Variants in CCSER1 observed in about 807,000 individuals in gnomAD.
CCSER1 encodes the protein serine-rich coiled-coil domain-containing protein 1.
A neutral mutation model predicts 82.0 loss-of-function variants in CCSER1; 41 were observed. The ratio of observed to expected loss-of-function variants is 0.50; its 90% CI spans 0.39 to 0.65. CCSER1 has a LOEUF of 0.65. Among genes scored for constraint, CCSER1 ranks in the 30% least tolerant of loss-of-function variants. The probability of loss-of-function intolerance (pLI) is 0.00; values close to 1 mark genes in which losing one functional copy is unlikely to be tolerated. For synonymous variants in CCSER1, 414 were observed against 383.9 expected, an observed-to-expected ratio of 1.08 and a Z score of -0.92; for missense variants, 1,119 against 1,064.2, an observed-to-expected ratio of 1.05 and a Z score of -0.72.
intron 1 of CCSER1, among the ~76,000 whole-genome samples, chr4:90,167,672 T>C (rs1341603424): frequency 6.6e-6 from 1 of 150,968 alleles, no homozygotes; most frequent in Admixed American, 6.6e-5. Context: ...CCCCTTCCTG[T>C]GTCCATGTGT....
chr4:90,777,354 C>CAAAAAAAAA (rs60638334), intron 7 of CCSER1, among the ~76,000 whole-genome samples: 1 of 58,532 alleles, frequency 1.7e-5, no homozygotes, highest in African/African-American at 6.9e-5. Context: ...GACTCCATCT[C>CAAAAAAAAA]AAAAAAAAAA....
chr4:90,318,539 G>C (rs960667192), intron 3 of CCSER1, among the ~76,000 whole-genome samples: 69 of 152,256 alleles, frequency 4.5e-4, no homozygotes, highest in African/African-American at 1.5e-3. Context: ...TTTGGTAGAA[G>C]AACAAATCCG....
intron 5 of CCSER1, among the ~76,000 whole-genome samples, chr4:90,487,350 C>A (rs1767269750): frequency 6.6e-6 from 1 of 152,160 alleles, no homozygotes; most frequent in Admixed American, 6.5e-5. Flanking sequence ...CACAGAAGGT[C>A]ATCTCATTAA....
rs1773477519 is a variant in CCSER1 at position 90,524,261 on chromosome 4, T to C, written c.1724+55907T>C. Among the ~76,000 whole-genome samples, 3 of 152,192 alleles carry C rather than the reference T, an allele frequency of 2.0e-5. No individual in the cohort carries two copies. The South Asian group carries it at 6.2e-4, about 31-fold the overall frequency. On this transcript the variant is annotated intron_variant, in intron 5 of 10. Transcript: ENST00000509176. Reference sequence around the variant, plus strand: ...TGTCGGGAACAACATATTCTTACACTGATAAGGAAAACTTCAGGCCTTTTT... The same window carrying C: ...TGTCGGGAACAACATATTCTTACACCGATAAGGAAAACTTCAGGCCTTTTT...
rs1199916407 is a variant in CCSER1, at chr4:91,598,914, C to T, written c.2560C>T (p.Arg854Ter). 1 of 1,551,534 alleles carries T rather than the reference C, an allele frequency of 6.4e-7. No homozygotes were observed. Among genetic ancestry groups the T allele is most frequent in the Non-Finnish European group, 8.7e-7 (1 of 1,146,922 alleles). ...ACCAAAGGACCAAGTTGCTACGGCC[C>T]GACAGCATTCGACCTTTACAGGCAG... Reference protein sequence around the residue: ...EKPKDQVATARQHSTFTGRFG... With the variant: ...EKPKDQVATA The change falls in exon 11 of 11, where the codon CGA becomes TGA. Residue 854 changes from arginine (R) to a stop codon, truncating the protein, a stop_gained. Coordinates refer to ENST00000509176, the MANE Select transcript of CCSER1 (RefSeq NM_001145065.2). LOFTEE classifies it high-confidence loss of function.
At position 90,359,332 on chromosome 4, in the gene CCSER1, G is replaced by A. The variant is rs1461874957; in HGVS notation, c.1510-40704G>A. ...AATGAGTTATAACTGTGTACTTTTG[G>A]AAACCATTTTTAAATTCAGTAGAGT... On this transcript the variant is annotated intron_variant, in intron 3 of 10. Transcript: ENST00000509176. Among the ~76,000 whole-genome samples the A allele has an allele frequency of 2.6e-5, 4 of 152,062 alleles. No homozygotes were observed. The South Asian group carries it at 8.3e-4, about 32-fold the overall frequency.
At chr4:91,047,791 G>A (rs890057412) in intron 9 of CCSER1, among the ~76,000 whole-genome samples, 4 of 152,188 alleles carry the variant, frequency 2.6e-5, no homozygotes, top group Admixed American at 6.5e-5. Context: ...TTTTGAGGAA[G>A]CAACCAAATT....
intron 4 of CCSER1, among the ~76,000 whole-genome samples, chr4:90,446,563 G>A (rs1293119008): frequency 6.6e-6 from 1 of 152,088 alleles, no homozygotes; most frequent in African/African-American, 2.4e-5. Context: ...GAAGATGTAG[G>A]GGAAAGAGGG....
chr4:90,258,874 G>GT (rs137930651), intron 1 of CCSER1, among the ~76,000 whole-genome samples: 1 of 152,152 alleles, frequency 6.6e-6, no homozygotes, highest in East Asian at 1.9e-4. Flanking sequence ...TGCTGTTTTG[G>GT]TAACTACAGC....
intron 5 of CCSER1, among the ~76,000 whole-genome samples, chr4:90,585,864 C>G (rs11932492): frequency 0.042 from 6,411 of 152,146 alleles, 342 homozygotes; most frequent in African/African-American, 0.12. Context: ...TATGTACGGT[C>G]TCTTATGTGT....
At chr4:91,210,368 G>A (rs986297200) in intron 10 of CCSER1, among the ~76,000 whole-genome samples, 2 of 151,076 alleles carry the variant, frequency 1.3e-5, no homozygotes, top group Non-Finnish European at 3.0e-5. Flanking sequence ...TTTGATGGGG[G>A]ATGTCATATT....
rs548720595 is a variant in CCSER1, at chr4:91,603,157, T to A, written c.*4100T>A. The A allele has an allele frequency of 4.6e-5, 7 of 152,186 alleles. No individual in the cohort carries two copies. Among genetic ancestry groups the A allele is most frequent in the Admixed American group, 2.6e-4 (4 of 15,266 alleles). The allele number at this position is 152,186 out of a possible 1,614,324, so 9.4% of individuals were successfully genotyped here. A position where few individuals can be genotyped will look rare whatever the true frequency, so the allele number is the denominator to read the frequency against. On this transcript the variant is annotated 3_prime_UTR_variant, in exon 11 of 11. Coordinates refer to ENST00000509176, the MANE Select transcript of CCSER1 (RefSeq NM_001145065.2). Reference sequence around the variant, plus strand: ...TTTCAGTTAAGACTGGTCATTTTTTTAAAAAGCTGAATTACACTGTAGTAT... The same window carrying A: ...TTTCAGTTAAGACTGGTCATTTTTTAAAAAAGCTGAATTACACTGTAGTAT...
intron 1 of CCSER1, among the ~76,000 whole-genome samples, chr4:90,150,021 C>T (rs899639455): frequency 1.3e-5 from 2 of 152,082 alleles, no homozygotes; most frequent in Non-Finnish European, 2.9e-5. Flanking sequence ...TGCATGGGTC[C>T]ATTTAAATGT....
At chr4:90,999,784 A>ATTTGTT (rs558018236) in intron 9 of CCSER1, among the ~76,000 whole-genome samples, 1 of 139,576 alleles carries the variant, frequency 7.2e-6, no homozygotes, top group Admixed American at 7.0e-5. Context: ...TTTTTTTCTT[A>ATTTGTT]TTTGTTTTTG....
At chr4:90,973,823 A>C (rs2150405026) in intron 9 of CCSER1, among the ~76,000 whole-genome samples, 1 of 151,790 alleles carries the variant, frequency 6.6e-6, no homozygotes, top group Non-Finnish European at 1.5e-5. Flanking sequence ...AAACGCATAC[A>C]TACACACACC....
At chr4:91,446,369 C>T (rs1755552979) in intron 10 of CCSER1, among the ~76,000 whole-genome samples, 2 of 151,938 alleles carry the variant, frequency 1.3e-5, no homozygotes, top group African/African-American at 4.8e-5. Context: ...GTTTTCTATA[C>T]AGTGAGAATT....
At chr4:91,155,990 A>G (rs1357026307) in intron 10 of CCSER1, among the ~76,000 whole-genome samples, 1 of 151,866 alleles carries the variant, frequency 6.6e-6, no homozygotes, top group Admixed American at 6.6e-5. Context: ...TGTGGCAAGA[A>G]AAGTGTTATT....
chr4:91,483,350 A>G (rs149755600), intron 10 of CCSER1, among the ~76,000 whole-genome samples: 1 of 152,312 alleles, frequency 6.6e-6, no homozygotes, highest in African/African-American at 2.4e-5. Flanking sequence ...TCTGGCTACT[A>G]GAAAAATATG....
intron 10 of CCSER1, among the ~76,000 whole-genome samples, chr4:91,119,338 T>A (rs1416869522): frequency 6.6e-6 from 1 of 152,036 alleles, no homozygotes; most frequent in African/African-American, 2.4e-5. Context: ...TTGTAATGTG[T>A]TTTCAGATAT....
Sources: allele counts gnomAD v4.1 joint callset (sites outside exome capture counted in the v4.1 genomes callset), GRCh38; gene constraint gnomAD v4.1.1; transcripts MANE v1.5; gene names NCBI Gene and HGNC (gene_info 2026-07-23, HGNC 2026-07-21).